LRRC3B: variants seen among roughly 807,000 people sequenced by gnomAD.
The protein encoded by LRRC3B is leucine-rich repeat-containing protein 3B.
Under a neutral mutation model 12.8 loss-of-function variants are expected in LRRC3B, and 2 were observed. The ratio of observed to expected loss-of-function variants is 0.16; its 90% CI spans 0.06 to 0.49. LRRC3B has a LOEUF of 0.49. Ranked by LOEUF, LRRC3B falls within the 20% of genes least tolerant of loss-of-function variation. The pLI, the probability that LRRC3B is intolerant of heterozygous loss-of-function variation, is 0.96. For missense variants in LRRC3B, 189 were observed against 319.4 expected, an observed-to-expected ratio of 0.59 and a Z score of 3.11; for synonymous variants, 132 against 122.0, an observed-to-expected ratio of 1.08 and a Z score of -0.54.
exon 2 of LRRC3B, chr3:26,710,157 C>A: frequency 6.2e-7 from 1 of 1,613,960 alleles, no homozygotes; most frequent in East Asian, 2.2e-5. Context: ...AGCATGGCGT[C>A]CAATCATGAG....
At chr3:26,680,298 C>T (rs1699945587) in intron 1 of LRRC3B, among the ~76,000 whole-genome samples, 2 of 152,138 alleles carry the variant, frequency 1.3e-5, no homozygotes, top group Non-Finnish European at 2.9e-5. Flanking sequence ...TATAAATTCT[C>T]TTCTTGAAGT....
At chr3:26,659,119 A>G (rs923008934) in intron 1 of LRRC3B, among the ~76,000 whole-genome samples, 3 of 152,230 alleles carry the variant, frequency 2.0e-5, no homozygotes, top group African/African-American at 7.2e-5. Flanking sequence ...AATAACAGCC[A>G]TATGTATGCT....
chr3:26,660,005 G>T (rs1331566510), intron 1 of LRRC3B, among the ~76,000 whole-genome samples: 1 of 152,086 alleles, frequency 6.6e-6, no homozygotes, highest in East Asian at 1.9e-4. Context: ...TTCTCATTCT[G>T]CAAAAACCCT....
chr3:26,652,387 G>A (rs976881535), intron 1 of LRRC3B, among the ~76,000 whole-genome samples: 40 of 152,198 alleles, frequency 2.6e-4, no homozygotes, highest in Admixed American at 6.5e-5. Flanking sequence ...ATGCTGCCGG[G>A]AAGTGTTAGA....
chr3:26,667,887 AT>A (rs202073477), intron 1 of LRRC3B, among the ~76,000 whole-genome samples: 16 of 150,274 alleles, frequency 1.1e-4, no homozygotes, highest in Admixed American at 2.7e-4. Context: ...TGGATTACCA[AT>A]TTTTTTTTAC....
At chr3:26,685,489 C>T (rs1046154282) in intron 1 of LRRC3B, among the ~76,000 whole-genome samples, 2 of 36,470 alleles carry the variant, frequency 5.5e-5, no homozygotes, top group Non-Finnish European at 9.7e-5. Flanking sequence ...CTCTCTCCCT[C>T]TCTCTCTCTC....
chr3:26,643,852 C>A (rs1050349916), intron 1 of LRRC3B, among the ~76,000 whole-genome samples: 4 of 152,148 alleles, frequency 2.6e-5, no homozygotes, highest in Non-Finnish European at 5.9e-5. Context: ...TTTGGCCGGG[C>A]AACCTTGGCA....
chr3:26,679,066 G>A (rs1189105492), intron 1 of LRRC3B, among the ~76,000 whole-genome samples: 4 of 152,140 alleles, frequency 2.6e-5, no homozygotes, highest in African/African-American at 7.2e-5. Flanking sequence ...GTTATGCATA[G>A]CCATAACCTA....
intron 1 of LRRC3B, among the ~76,000 whole-genome samples, chr3:26,661,220 A>G (rs1334012560): frequency 1.3e-5 from 2 of 152,174 alleles, no homozygotes; most frequent in African/African-American, 4.8e-5. Context: ...ATGGCTCCCA[A>G]TGTGCAGTCA....
At chr3:26,631,468 AG>A (rs762514159) in intron 1 of LRRC3B, among the ~76,000 whole-genome samples, 4 of 152,224 alleles carry the variant, frequency 2.6e-5, no homozygotes, top group Non-Finnish European at 5.9e-5. Flanking sequence ...GGAAAAGGTC[AG>A]GATCTGAAGA....
intron 1 of LRRC3B, among the ~76,000 whole-genome samples, chr3:26,658,893 G>GA (rs1033386576): frequency 7.9e-5 from 12 of 152,290 alleles, no homozygotes; most frequent in Admixed American, 5.2e-4. Context: ...CAAATTACCT[G>GA]AAAAAAGGAT....
chr3:26,683,727 T>A (rs1237440710), intron 1 of LRRC3B, among the ~76,000 whole-genome samples: 3 of 152,234 alleles, frequency 2.0e-5, no homozygotes, highest in Non-Finnish European at 4.4e-5. Flanking sequence ...AGTTATCAAT[T>A]CTTCTGGCCT....
intron 1 of LRRC3B, among the ~76,000 whole-genome samples, chr3:26,656,331 C>CG (rs748594618): frequency 6.6e-6 from 1 of 152,006 alleles, no homozygotes; most frequent in Non-Finnish European, 1.5e-5. Flanking sequence ...CATGATTGTG[C>CG]GGGCAGTTTG....
chr3:26,675,242 AG>A (rs1699833286), intron 1 of LRRC3B, among the ~76,000 whole-genome samples: 1 of 152,212 alleles, frequency 6.6e-6, no homozygotes, highest in Non-Finnish European at 1.5e-5. Context: ...ATATAAACAA[AG>A]CCAATGATTC....
intron 1 of LRRC3B, among the ~76,000 whole-genome samples, chr3:26,650,068 C>T (rs13097538): frequency 0.42 from 64,493 of 151,812 alleles, 13,970 homozygotes; most frequent in Middle Eastern, 0.5. Flanking sequence ...TTTATTTGTC[C>T]CATGTCTTCT....
chr3:26,694,251 G>A (rs1020261839), intron 1 of LRRC3B, among the ~76,000 whole-genome samples: 4 of 152,114 alleles, frequency 2.6e-5, no homozygotes, highest in Non-Finnish European at 4.4e-5. Context: ...TATTCTATGG[G>A]CGATTTCACT....
intron 1 of LRRC3B, among the ~76,000 whole-genome samples, chr3:26,676,681 C>T (rs367580050): frequency 3.3e-4 from 50 of 152,202 alleles, no homozygotes; most frequent in African/African-American, 1.1e-3. Flanking sequence ...GTCAGTGTGG[C>T]GATTCCTCAG....
chr3:26,695,083 G>A (rs990998717), intron 1 of LRRC3B, among the ~76,000 whole-genome samples: 5 of 151,950 alleles, frequency 3.3e-5, no homozygotes, highest in East Asian at 3.9e-4. Flanking sequence ...GCCTTACACA[G>A]ATGGGATTAC....
chr3:26,650,933 T>G (rs1559355229), intron 1 of LRRC3B, among the ~76,000 whole-genome samples: 1 of 152,172 alleles, frequency 6.6e-6, no homozygotes, highest in Admixed American at 6.5e-5. Flanking sequence ...TAAATTGATG[T>G]GAAACGTGGA....
Sources: allele counts gnomAD v4.1 joint callset (sites outside exome capture counted in the v4.1 genomes callset), GRCh38; gene constraint gnomAD v4.1.1; transcripts MANE v1.5; gene names NCBI Gene and HGNC (gene_info 2026-07-23, HGNC 2026-07-21).